The following SCN8A variants were observed in gnomAD, a reference collection of about 807,000 sequenced individuals.
SCN8A encodes the protein sodium voltage-gated channel alpha subunit 8, also known as sodium channel protein type 8 subunit alpha.
In SCN8A, 30 loss-of-function variants were observed where a neutral mutation model predicts 184.1. The observed-to-expected ratio is 0.16, with a 90% CI of 0.12 to 0.22. The LOEUF is 0.22. Ranked by LOEUF, SCN8A falls within the 10% of genes least tolerant of loss-of-function variation. The pLI, the probability that SCN8A is intolerant of heterozygous loss-of-function variation, is 1.00. For missense variants in SCN8A, 1,057 were observed against 2,498.9 expected, an observed-to-expected ratio of 0.42 and a Z score of 12.30; for synonymous variants, 852 against 907.0, an observed-to-expected ratio of 0.94 and a Z score of 1.09.
At chr12:51,712,927 C>A in intron 11 of SCN8A, 1 of 1,591,286 alleles carries the variant, frequency 6.3e-7, no homozygotes, top group Non-Finnish European at 8.6e-7. Context: ...AAAGCTTCCT[C>A]CGCAACCCAT....
chr12:51,639,020 G>A (rs765869395), intron 1 of SCN8A, among the ~76,000 whole-genome samples: 8 of 151,812 alleles, frequency 5.3e-5, no homozygotes, highest in East Asian at 1.9e-4. Context: ...TCGCTTTATC[G>A]CTCAGGCTTG....
At chr12:51,770,231 T>G in intron 18 of SCN8A, 1 of 588,422 alleles carries the variant, frequency 1.7e-6, no homozygotes, top group Non-Finnish European at 3.0e-6. Flanking sequence ...AAAATTTCCA[T>G]TAGAATGTCC....
chr12:51,729,020 T>TA (rs1389580496), intron 12 of SCN8A, among the ~76,000 whole-genome samples: 1 of 152,214 alleles, frequency 6.6e-6, no homozygotes, highest in Non-Finnish European at 1.5e-5. Flanking sequence ...AAATGGCAGT[T>TA]ATGGTGGCGG....
In SCN8A at chr12:51,706,568, G is replaced by C. The variant is rs760514652; in HGVS notation, c.1488G>C (p.Lys496Asn). 10 of 1,608,716 alleles carry C rather than the reference G, an allele frequency of 6.2e-6. No homozygotes were observed. Among genetic ancestry groups the C allele is most frequent in the Non-Finnish European group, 8.5e-6 (10 of 1,177,336 alleles). ...CAAAGGAAAGACGTAACAGGAGAAA[G>C]AAGAGGAAGCAAAAGGAACTCTCTG... ...KSAKERRNRRKKRKQKELSEG... is the reference protein window; with the variant it reads ...KSAKERRNRRNKRKQKELSEG... The change falls in exon 11 of 27, where the codon AAG becomes AAC. Residue 496 changes from lysine (K) to asparagine (N), a missense_variant. Lys to Asn is a moderately conservative substitution (Grantham distance 94, BLOSUM62 0). Around this residue, in one of 19 missense-constraint regions of SCN8A, gnomAD observed 322 missense variants for 390.1 expected, o/e 0.83. Transcript: ENST00000627620.
rs567536360 is a variant in SCN8A at position 51,600,165 on chromosome 12, T to A, written c.-55+8806T>A. Among the ~76,000 whole-genome samples, 11 of 152,348 alleles carry A rather than the reference T, an allele frequency of 7.2e-5. No individual in the cohort carries two copies. In the South Asian group the frequency reaches 2.1e-3, roughly 29 times the overall value. On this transcript the variant is annotated intron_variant, in intron 1 of 26. Transcript: ENST00000627620. ...CTAAGCTCTCACTGATAAAGATTAT[T>A]TAATCTTCGTTTGTGGGTCTCTACC...
intron 11 of SCN8A, among the ~76,000 whole-genome samples, chr12:51,719,979 G>A (rs1035025787): frequency 4.0e-5 from 6 of 151,644 alleles, no homozygotes; most frequent in African/African-American, 1.2e-4. Context: ...GGGAGGCTGA[G>A]GCAGGAGAAT....
In SCN8A at chr12:51,780,561, C is replaced by CTTTTTTTT. The variant is rs1565923413; in HGVS notation, c.3820-85_3820-84insTTTTTTTT. On this transcript the variant is annotated intron_variant, in intron 20 of 26. Transcript: ENST00000627620. The stretch of plus-strand genomic sequence containing the variant: ...TCTAACACTCTGGAACCTCTGTTTT[C>CTTTTTTTT]TTTCTTTTTTTTTTTTTTTTTTTTT... The CTTTTTTTT allele has an allele frequency of 8.7e-6, 4 of 457,854 alleles. No homozygotes were observed. The African/African-American group carries it at 4.4e-4, about 50-fold the overall frequency. 28.4% of individuals were successfully genotyped at this position (457,854 alleles called of 1,614,324 possible). A position where few individuals can be genotyped will look rare whatever the true frequency, so the allele number is the denominator to read the frequency against.
chr12:51,749,206 G>A (rs1489949116), intron 13 of SCN8A, among the ~76,000 whole-genome samples: 1 of 152,172 alleles, frequency 6.6e-6, no homozygotes, highest in Non-Finnish European at 1.5e-5. Flanking sequence ...ACTTTTTGTA[G>A]GCGTGAAAGT....
intron 1 of SCN8A, among the ~76,000 whole-genome samples, chr12:51,643,662 A>C (rs1940503102): frequency 6.6e-6 from 1 of 152,220 alleles, no homozygotes. Context: ...GGTGGACTTG[A>C]GGCTCATTCC....
intron 1 of SCN8A, among the ~76,000 whole-genome samples, chr12:51,593,033 TGGG>T (rs1939265347): frequency 6.6e-6 from 1 of 152,164 alleles, no homozygotes; most frequent in South Asian, 2.1e-4. Context: ...GTAGGAATCT[TGGG>T]GGAATCAGAC....
intron 11 of SCN8A, among the ~76,000 whole-genome samples, chr12:51,719,702 A>G (rs1482434883): frequency 2.1e-5 from 3 of 145,198 alleles, no homozygotes; most frequent in African/African-American, 7.7e-5. Flanking sequence ...ATAAAAGTGT[A>G]CATTCAAATA....
chr12:51,701,235 T>C (rs960226978), intron 8 of SCN8A, 28 bp downstream of exon 8: 1 of 1,485,736 alleles, frequency 6.7e-7, no homozygotes, highest in Non-Finnish European at 9.2e-7. Flanking sequence ...TTTTATTCTC[T>C]TTCCTTAAAA....
In SCN8A at chr12:51,597,299, G is replaced by A. The variant is rs184586891; in HGVS notation, c.-55+5940G>A. Among the ~76,000 whole-genome samples, 150 of 152,248 alleles carry A rather than the reference G, an allele frequency of 9.9e-4. 3 individuals are homozygous for A. The highest frequency in any genetic ancestry group is 3.3e-3 in the African/African-American group (136 of 41,550). On this transcript the variant is annotated intron_variant, in intron 1 of 26. Coordinates refer to ENST00000627620, the MANE Select transcript of SCN8A (RefSeq NM_001330260.2). ...CCTGTATTCACTGGGCATGTCCCAG[G>A]ATCTGGAAGTGGAAAGCACTGAACT...
At chr12:51,764,590 A>G (rs578006792) in intron 15 of SCN8A, among the ~76,000 whole-genome samples, 1 of 152,068 alleles carries the variant, frequency 6.6e-6, no homozygotes, top group South Asian at 2.1e-4. Context: ...AGCCGAGATC[A>G]CGTTGCTGCA....
rs1281066981 is a variant in SCN8A, at chr12:51,808,968, T to C, written c.*1539T>C. The C allele has an allele frequency of 1.3e-5, 2 of 152,214 alleles. No individual in the cohort carries two copies. Among genetic ancestry groups the C allele is most frequent in the East Asian group, 3.8e-4 (2 of 5,200 alleles). The allele number at this position is 152,214 out of a possible 1,614,324, so 9.4% of individuals were successfully genotyped here. ...TCACTGGTGAGACCTGAGGTAGAGATGGAGCCGCCTCTGAACCAAGCCCAC... is the reference window on the plus strand; with the variant it reads ...TCACTGGTGAGACCTGAGGTAGAGACGGAGCCGCCTCTGAACCAAGCCCAC... On this transcript the variant is annotated 3_prime_UTR_variant, in exon 27 of 27. Coordinates refer to ENST00000627620, the MANE Select transcript of SCN8A (RefSeq NM_001330260.2).
intron 1 of SCN8A, among the ~76,000 whole-genome samples, chr12:51,616,328 C>G (rs1378494995): frequency 2.0e-5 from 3 of 152,130 alleles, no homozygotes; most frequent in Non-Finnish European, 4.4e-5. Flanking sequence ...TTTCCCCCAG[C>G]ACTTAAAAGT....
chr12:51,733,935 TTTTA>T (rs1237439523), intron 12 of SCN8A, among the ~76,000 whole-genome samples: 1 of 152,192 alleles, frequency 6.6e-6, no homozygotes, highest in Admixed American at 6.5e-5. Context: ...TCATTTCTGA[TTTTA>T]TTTATTTGGG....
At chr12:51,734,583 T>C (rs1282667029) in intron 12 of SCN8A, among the ~76,000 whole-genome samples, 2 of 152,232 alleles carry the variant, frequency 1.3e-5, no homozygotes, top group African/African-American at 4.8e-5. Flanking sequence ...CCGTCATTCC[T>C]GTAAACCCAC....
At chr12:51,771,748 C>G (rs954195877) in intron 19 of SCN8A, among the ~76,000 whole-genome samples, 1 of 152,218 alleles carries the variant, frequency 6.6e-6, no homozygotes, top group Non-Finnish European at 1.5e-5. Context: ...GTTGCATCAA[C>G]GAGCATTCAC....
Sources: gnomAD v4.1 joint callset for allele counts (sites outside exome capture counted in the v4.1 genomes callset) on GRCh38, gnomAD v4.1.1 for gene constraint, gnomAD v4.1.1 regional missense constraint, MANE v1.5 for transcripts, NCBI Gene and HGNC (gene_info 2026-07-23, HGNC 2026-07-21) for gene names.